Variants in MCU observed in about 807,000 individuals in gnomAD.
The protein encoded by MCU is calcium uniporter protein, mitochondrial.
MCU carries 12 observed loss-of-function variants against 45.2 expected under a neutral mutation model. That is an observed-to-expected ratio of 0.27 (90% CI 0.17 to 0.43). The LOEUF is 0.43. MCU is among the 20% of genes least tolerant of loss of function. The pLI, the probability that MCU is intolerant of heterozygous loss-of-function variation, is 1.00. For missense variants in MCU, 324 were observed against 436.7 expected (o/e 0.74, Z 2.30); for synonymous variants, 160 against 165.1 (o/e 0.97, Z 0.24).
chr10:72,801,760 C>T (rs1057176013), intron 1 of MCU, among the ~76,000 whole-genome samples: 2 of 150,946 alleles, frequency 1.3e-5, no homozygotes, highest in Non-Finnish European at 2.9e-5. Flanking sequence ...CAACCTCTAC[C>T]TCCCAGGCTC....
intron 6 of MCU, among the ~76,000 whole-genome samples, chr10:72,880,122 G>A (rs1411828273): frequency 1.3e-5 from 2 of 152,210 alleles, no homozygotes; most frequent in African/African-American, 4.8e-5. Context: ...GACTTAAAAT[G>A]TTCTAATATT....
At chr10:72,796,638 C>T (rs955460913) in intron 1 of MCU, among the ~76,000 whole-genome samples, 11 of 151,254 alleles carry the variant, frequency 7.3e-5, no homozygotes, top group Non-Finnish European at 1.2e-4. Context: ...CTCAGCCTGC[C>T]GAGTAGGTAG....
intron 1 of MCU, among the ~76,000 whole-genome samples, chr10:72,831,848 A>G (rs2132830384): frequency 6.6e-6 from 1 of 152,300 alleles, no homozygotes; most frequent in South Asian, 2.1e-4. Context: ...TTCAAGAAAC[A>G]GGGAAGAGTC....
At chr10:72,785,781 T>TACA (rs1206271293) in intron 1 of MCU, among the ~76,000 whole-genome samples, 13 of 152,346 alleles carry the variant, frequency 8.5e-5, no homozygotes, top group Non-Finnish European at 1.9e-4. Flanking sequence ...GCTACTTGTT[T>TACA]TAATTTAGTG....
Position 72,783,738 on chromosome 10 carries a change from G to C in MCU, c.151-50621G>C, listed in dbSNP as rs74145956. Among the ~76,000 whole-genome samples, 669 of 152,318 alleles carry C rather than the reference G, an allele frequency of 4.4e-3. 3 individuals carry two copies. Among genetic ancestry groups the C allele is most frequent in the African/African-American group, 0.015 (639 of 41,572 alleles). ...CATGCCAAGAAAAACGCATAGAGTG[G>C]GGTGGAGTGGAGTTGGGAAAGAAAA... On this transcript the variant is annotated intron_variant, in intron 1 of 7. Transcript: ENST00000373053.
chr10:72,730,427 T>TA (rs1254891552), intron 1 of MCU: 1 of 152,070 alleles, frequency 6.6e-6, no homozygotes, highest in Non-Finnish European at 1.5e-5. Context: ...TAGCTGGGAT[T>TA]ACAGGCACAT....
At chr10:72,788,377 C>T (rs7910830) in intron 1 of MCU, among the ~76,000 whole-genome samples, 7,723 of 152,230 alleles carry the variant, frequency 0.051, 659 homozygotes, top group African/African-American at 0.18. Flanking sequence ...GTAATCCCAA[C>T]ACTTTGGGAG....
intron 4 of MCU, 139 bp from the exon 5 acceptor site, chr10:72,868,564 A>AG (rs1845493205): frequency 2.7e-6 from 2 of 740,422 alleles, no homozygotes; most frequent in East Asian, 5.5e-5. Flanking sequence ...AAAAAAAAAA[A>AG]AAAGAGAGCT....
At chr10:72,788,824 T>G (rs1476181599) in intron 1 of MCU, among the ~76,000 whole-genome samples, 1 of 152,216 alleles carries the variant, frequency 6.6e-6, no homozygotes, top group Non-Finnish European at 1.5e-5. Context: ...ATAAAGTACT[T>G]GCTTGCTAGT....
intron 1 of MCU, among the ~76,000 whole-genome samples, chr10:72,728,336 C>T (rs540181083): frequency 1.3e-5 from 2 of 152,198 alleles, no homozygotes; most frequent in South Asian, 2.1e-4. Flanking sequence ...ATGAGAAATT[C>T]GCCAAACGAG....
At chr10:72,748,087 G>A (rs1306061708) in intron 1 of MCU, among the ~76,000 whole-genome samples, 5 of 146,688 alleles carry the variant, frequency 3.4e-5, no homozygotes, top group South Asian at 2.1e-4. Context: ...TTGCTCTGTC[G>A]CCCAGGCTGG....
chr10:72,805,157 TTC>T (rs1564562326), intron 1 of MCU, among the ~76,000 whole-genome samples: 1 of 137,914 alleles, frequency 7.3e-6, no homozygotes, highest in African/African-American at 3.1e-5. Context: ...CTTTCTTTCT[TTC>T]TGTCTCTCTC....
intron 1 of MCU, among the ~76,000 whole-genome samples, chr10:72,788,497 G>C (rs764703660): frequency 6.6e-6 from 1 of 152,160 alleles, no homozygotes; most frequent in Non-Finnish European, 1.5e-5. Context: ...ATGGTAGTGC[G>C]TGCCTGTAGT....
At chr10:72,844,011 G>A (rs1218613845) in intron 2 of MCU, among the ~76,000 whole-genome samples, 1 of 152,040 alleles carries the variant, frequency 6.6e-6, no homozygotes, top group Non-Finnish European at 1.5e-5. Flanking sequence ...TAGCACTTCG[G>A]GAGGCCAAGG....
chr10:72,884,647 C>CTT (rs780888443), intron 7 of MCU, among the ~76,000 whole-genome samples: 2 of 134,696 alleles, frequency 1.5e-5, no homozygotes, highest in African/African-American at 5.4e-5. Flanking sequence ...CCTACTTTTA[C>CTT]TTTTTTTTTT....
At chr10:72,772,710 A>G (rs1451845259) in intron 1 of MCU, among the ~76,000 whole-genome samples, 1 of 152,220 alleles carries the variant, frequency 6.6e-6, no homozygotes, top group Non-Finnish European at 1.5e-5. Context: ...AAAACAAAAC[A>G]AAATCAAAAC....
At chr10:72,845,922 C>T (rs1298102652) in intron 2 of MCU, among the ~76,000 whole-genome samples, 4 of 152,116 alleles carry the variant, frequency 2.6e-5, no homozygotes, top group Non-Finnish European at 5.9e-5. Context: ...GGTTTGTATA[C>T]ACCATGATCC....
intron 1 of MCU, among the ~76,000 whole-genome samples, chr10:72,703,562 C>T (rs935943059): frequency 5.3e-5 from 8 of 152,146 alleles, no homozygotes; most frequent in African/African-American, 1.7e-4. Context: ...AGTAGAAGTA[C>T]ATTTTACACT....
Position 72,805,453 on chromosome 10 carries a change from T to C in MCU, c.151-28906T>C, listed in dbSNP as rs1187273316. Among the ~76,000 whole-genome samples the C allele has an allele frequency of 2.6e-5, 4 of 151,904 alleles. No individual in the cohort carries two copies. In the East Asian group the frequency reaches 7.8e-4, roughly 30 times the overall value. On this transcript the variant is annotated intron_variant, in intron 1 of 7. Transcript: ENST00000373053. ...TAGTGACAACAGAATTTCACCATAT[T>C]GTCCAGGGTGGTTGAACTCCCAAGC...
Sources: allele counts gnomAD v4.1 joint callset (sites outside exome capture counted in the v4.1 genomes callset), GRCh38; gene constraint gnomAD v4.1.1; transcripts MANE v1.5; gene names NCBI Gene and HGNC (gene_info 2026-07-23, HGNC 2026-07-21).